PRKCB: variants seen among roughly 807,000 people sequenced by gnomAD.
PRKCB encodes the protein protein kinase C beta.
A neutral mutation model predicts 81.5 loss-of-function variants in PRKCB; 13 were observed. That is an observed-to-expected ratio of 0.16 (90% CI 0.10 to 0.25). PRKCB has a LOEUF of 0.25. PRKCB is among the 10% of genes least tolerant of loss of function. The pLI, the probability that PRKCB is intolerant of heterozygous loss-of-function variation, is 1.00. For missense variants in PRKCB, 509 were observed against 875.7 expected, an observed-to-expected ratio of 0.58 and a Z score of 5.29; for synonymous variants, 335 against 321.4, an observed-to-expected ratio of 1.04 and a Z score of -0.45.
rs536017769 is a variant in PRKCB at position 23,915,370 on chromosome 16, C to T, written c.206-73138C>T. Among the ~76,000 whole-genome samples the T allele has an allele frequency of 7.9e-5, 12 of 152,098 alleles. No individual in the cohort carries two copies. The South Asian group carries it at 1.2e-3, about 16-fold the overall frequency. On this transcript the variant is annotated intron_variant, in intron 2 of 16. Transcript: ENST00000643927. Reference sequence around the variant, plus strand: ...CAGTGTCAGAGCCATTGCCTTGCCCCGGAAGGAGTGAACTGTGTAGAACAA... The same window carrying T: ...CAGTGTCAGAGCCATTGCCTTGCCCTGGAAGGAGTGAACTGTGTAGAACAA...
chr16:24,124,798 C>T (rs542021382), intron 9 of PRKCB, among the ~76,000 whole-genome samples: 1 of 152,224 alleles, frequency 6.6e-6, no homozygotes, highest in African/African-American at 2.4e-5. Context: ...TAACGTAAGC[C>T]AAAAACCTGG....
intron 16 of PRKCB, among the ~76,000 whole-genome samples, chr16:24,194,357 AC>A (rs1967847759): frequency 6.6e-6 from 1 of 151,412 alleles, no homozygotes; most frequent in African/African-American, 2.4e-5. Context: ...AAAACAAAAA[AC>A]AACAAAAAAA....
At chr16:23,973,832 C>A (rs9939419) in intron 2 of PRKCB, among the ~76,000 whole-genome samples, 1,991 of 152,028 alleles carry the variant, frequency 0.013, 37 homozygotes, top group African/African-American at 0.045. Flanking sequence ...CACCTTGCCC[C>A]GCTACTGTTT....
chr16:23,931,059 A>G (rs1358693298), intron 2 of PRKCB, among the ~76,000 whole-genome samples: 1 of 152,244 alleles, frequency 6.6e-6, no homozygotes, highest in Non-Finnish European at 1.5e-5. Context: ...GTGTCTTGAC[A>G]GATAAGTAAA....
intron 9 of PRKCB, among the ~76,000 whole-genome samples, chr16:24,145,817 C>T (rs1966980002): frequency 6.6e-6 from 1 of 152,174 alleles, no homozygotes; most frequent in African/African-American, 2.4e-5. Flanking sequence ...CCATCAGCCC[C>T]CTTTGTTGTT....
At chr16:24,201,555 C>T (rs1304256796) in intron 16 of PRKCB, among the ~76,000 whole-genome samples, 1 of 152,140 alleles carries the variant, frequency 6.6e-6, no homozygotes, top group East Asian at 1.9e-4. Flanking sequence ...GGTCATATGC[C>T]CATCTCTAAG....
intron 2 of PRKCB, among the ~76,000 whole-genome samples, chr16:23,978,711 G>A (rs1964656177): frequency 6.6e-6 from 1 of 152,162 alleles, no homozygotes; most frequent in African/African-American, 2.4e-5. Context: ...GCCGGGCTAA[G>A]CATTTTGAAC....
At chr16:24,051,156 G>A (rs1012828512) in intron 5 of PRKCB, among the ~76,000 whole-genome samples, 6 of 152,198 alleles carry the variant, frequency 3.9e-5, no homozygotes, top group East Asian at 3.8e-4. Context: ...AGGAGCAGGC[G>A]TGCCACTCCA....
chr16:24,007,244 G>A (rs375216245), intron 3 of PRKCB, among the ~76,000 whole-genome samples: 4 of 152,294 alleles, frequency 2.6e-5, no homozygotes, highest in East Asian at 1.9e-4. Flanking sequence ...GCTTCATGCC[G>A]TAACTGGCAC....
chr16:24,180,917 A>T lies in PRKCB; in HGVS notation c.1522A>T (p.Ile508Phe). The T allele has an allele frequency of 6.2e-7, 1 of 1,614,036 alleles. No homozygotes were observed. The highest frequency in any genetic ancestry group is 8.5e-7 in the Non-Finnish European group (1 of 1,179,958). Residue 508 changes from isoleucine (I) to phenylalanine (F), a missense_variant, in exon 13 of 17, where the codon ATC (isoleucine) becomes TTC (phenylalanine). Ile to Phe is a conservative substitution (Grantham distance 21). This residue lies in a region of PRKCB where 106 missense variants were observed against 214.0 expected (regional missense o/e 0.50). Coordinates refer to ENST00000643927, the MANE Select transcript of PRKCB (RefSeq NM_002738.7). ...TKTFCGTPDY[I>F]APEIIAYQPY... Reference sequence around the variant, plus strand: ...GACATTCTGTGGCACTCCAGACTACATCGCCCCCGAGGTGAGAGCTGCTGG... The same window carrying T: ...GACATTCTGTGGCACTCCAGACTACTTCGCCCCCGAGGTGAGAGCTGCTGG...
chr16:24,113,314 C>CTCTCT (rs1168764435), intron 8 of PRKCB, among the ~76,000 whole-genome samples: 12 of 149,080 alleles, frequency 8.0e-5, no homozygotes, highest in African/African-American at 2.8e-4. Context: ...TTCTTCCTTT[C>CTCTCT]TGTCTTGCTT....
chr16:23,934,622 A>G lies in PRKCB; in HGVS notation c.206-53886A>G, dbSNP rs1306822688. On this transcript the variant is annotated intron_variant, in intron 2 of 16. Coordinates refer to ENST00000643927, the MANE Select transcript of PRKCB (RefSeq NM_002738.7). ...CCATAAAATATTTTCAGCGTATAGA[A>G]TTTTTATATATCTAGACCATTGTCT... Among the ~76,000 whole-genome samples the G allele has an allele frequency of 2.0e-5, 3 of 152,164 alleles. No homozygotes were observed. The East Asian group carries it at 5.8e-4, about 29-fold the overall frequency.
chr16:24,113,198 C>G, intron 8 of PRKCB, 129 bp downstream of exon 8: 1 of 613,864 alleles, frequency 1.6e-6, no homozygotes. Context: ...TTCCTTCTTC[C>G]TCTCTCTTTT....
At chr16:24,137,361 G>T (rs1567388232) in intron 9 of PRKCB, among the ~76,000 whole-genome samples, 3 of 150,446 alleles carry the variant, frequency 2.0e-5, no homozygotes, top group African/African-American at 7.3e-5. Context: ...GCTCATTTTT[G>T]TTTTTTTTCT....
At chr16:23,982,041 TTC>T (rs1414207118) in intron 2 of PRKCB, among the ~76,000 whole-genome samples, 2 of 115,786 alleles carry the variant, frequency 1.7e-5, no homozygotes, top group South Asian at 3.1e-4. Context: ...TCCCTTCACC[TTC>T]CCCTTCCCTT....
At position 23,837,249 on chromosome 16, in the gene PRKCB, C is replaced by T. The variant is rs946984625; in HGVS notation, c.174-126C>T. 8 of 1,214,896 alleles carry T rather than the reference C, an allele frequency of 6.6e-6. No homozygotes were observed. In the African/African-American group the frequency reaches 9.0e-5, roughly 14 times the overall value. The allele number at this position is 1,214,896 out of a possible 1,614,324, so 75.3% of individuals were successfully genotyped here. The stretch of plus-strand genomic sequence containing the variant: ...CAAAGGCGGAAGACTCTTGGGCACC[C>T]GCCTGTGGCTGGGAGTTTGCACCTG... On this transcript the variant is annotated intron_variant, in intron 1 of 16. Transcript: ENST00000643927.
chr16:24,036,478 G>A (rs975046203), intron 5 of PRKCB, among the ~76,000 whole-genome samples: 2 of 152,108 alleles, frequency 1.3e-5, no homozygotes, highest in African/African-American at 2.4e-5. Flanking sequence ...TTATGAGTTG[G>A]TAACTCAGGA....
In PRKCB at chr16:24,185,425, G is replaced by A. The variant is rs150307113; in HGVS notation, c.1615-35G>A. The A allele has an allele frequency of 1.1e-4, 171 of 1,580,442 alleles. No homozygotes were observed. In the African/African-American group the frequency reaches 2.2e-3, roughly 20 times the overall value. ...GGAGCTAGGGGGAGGGTTCAAGCAG[G>A]GATTCTTCTCCTCCCACCCTCCCCT... On this transcript the variant is annotated intron_variant, in intron 14 of 16. Coordinates refer to ENST00000643927, the MANE Select transcript of PRKCB (RefSeq NM_002738.7).
chr16:23,898,777 C>A (rs1413987858), intron 2 of PRKCB, among the ~76,000 whole-genome samples: 2 of 152,122 alleles, frequency 1.3e-5, no homozygotes, highest in African/African-American at 4.8e-5. Flanking sequence ...ACAATGGCAA[C>A]TACTACTGAA....
Sources: gnomAD v4.1 joint callset for allele counts (sites outside exome capture counted in the v4.1 genomes callset) on GRCh38, gnomAD v4.1.1 for gene constraint, gnomAD v4.1.1 regional missense constraint, MANE v1.5 for transcripts, NCBI Gene and HGNC (gene_info 2026-07-23, HGNC 2026-07-21) for gene names.